The following ACER3 variants were observed in gnomAD, a reference collection of about 807,000 sequenced individuals.
ACER3 encodes the protein alkCDase 3.
In ACER3, 16 loss-of-function variants were observed where a neutral mutation model predicts 48.9. The observed-to-expected ratio is 0.33, with a 90% CI of 0.22 to 0.50. The LOEUF is 0.50. Among genes scored for constraint, ACER3 ranks in the 20% least tolerant of loss-of-function variants. The probability of loss-of-function intolerance (pLI) is 0.98; values close to 1 mark genes in which losing one functional copy is unlikely to be tolerated. For synonymous variants in ACER3, 109 were observed against 107.8 expected (o/e 1.01, Z -0.07); for missense variants, 227 against 326.0 (o/e 0.70, Z 2.34).
At chr11:76,869,429 C>T (rs1249210239) in intron 1 of ACER3, among the ~76,000 whole-genome samples, 1 of 152,158 alleles carries the variant, frequency 6.6e-6, no homozygotes, top group African/African-American at 2.4e-5. Flanking sequence ...GGTTTTATAG[C>T]GTTAGTGCTG....
chr11:77,017,210 T>G (rs1949388040), intron 9 of ACER3, among the ~76,000 whole-genome samples: 1 of 151,936 alleles, frequency 6.6e-6, no homozygotes, highest in Admixed American at 6.6e-5. Flanking sequence ...GTTGGGGTAC[T>G]GAAAGATCAC....
At position 76,865,996 on chromosome 11, in the gene ACER3, T is replaced by C. The variant is rs188871561; in HGVS notation, c.103+4917T>C. Among the ~76,000 whole-genome samples the C allele has an allele frequency of 7.5e-3, 1,134 of 150,828 alleles. 8 individuals are homozygous for C. Among genetic ancestry groups the C allele is most frequent in the African/African-American group, 0.026 (1,069 of 41,148 alleles). ...CTGGCTAATTTTTGTTTTTTGTTTT[T>C]TTTTTTTTTGGTAGAGATGGGGTTT... On this transcript the variant is annotated intron_variant, in intron 1 of 10. Coordinates refer to ENST00000532485, the MANE Select transcript of ACER3 (RefSeq NM_018367.7).
chr11:77,005,613 C>A (rs781994005), intron 7 of ACER3, among the ~76,000 whole-genome samples: 3 of 152,018 alleles, frequency 2.0e-5, no homozygotes, highest in East Asian at 3.9e-4. Context: ...CTCTTCCTAG[C>A]TTCTAGTAGT....
intron 3 of ACER3, among the ~76,000 whole-genome samples, chr11:76,960,201 G>C (rs1947951455): frequency 6.6e-6 from 1 of 152,034 alleles, no homozygotes. Context: ...ACGAGGTCAG[G>C]AGATTGAGAC....
intron 3 of ACER3, among the ~76,000 whole-genome samples, chr11:76,971,410 C>T (rs986451775): frequency 2.8e-4 from 42 of 151,868 alleles, no homozygotes; most frequent in Admixed American, 1.9e-3. Context: ...TGTGGTGGCA[C>T]GCGCCCACAG....
rs567185203 is a variant in ACER3 at position 76,969,175 on chromosome 11, C to CA, written c.268-7107dup. Among the ~76,000 whole-genome samples, 381 of 151,924 alleles carry CA rather than the reference C, an allele frequency of 2.5e-3. 2 individuals are homozygous for CA. The highest frequency in any genetic ancestry group is 8.4e-3 in the African/African-American group (347 of 41,440). On this transcript the variant is annotated intron_variant, in intron 3 of 10. Coordinates refer to ENST00000532485, the MANE Select transcript of ACER3 (RefSeq NM_018367.7). ...TCTCAAAAGAAGACATTTATGCAGCCAAAAAAACACATGAAAAAATGCTCA... is the reference window on the plus strand; with the variant it reads ...TCTCAAAAGAAGACATTTATGCAGCCAAAAAAAACACATGAAAAAATGCTCA...
intron 1 of ACER3, chr11:76,868,218 A>G (rs1945144769): frequency 7.8e-7 from 1 of 1,289,676 alleles, no homozygotes; most frequent in Non-Finnish European, 1.0e-6. Flanking sequence ...CAGAGGTGAC[A>G]TCCCTGTCAT....
chr11:77,008,167 G>A (rs1555021417), intron 7 of ACER3, among the ~76,000 whole-genome samples: 1 of 152,080 alleles, frequency 6.6e-6, no homozygotes, highest in African/African-American at 2.4e-5. Flanking sequence ...ACACCTTTCA[G>A]GGTCTTCTTA....
At chr11:76,989,459 G>A (rs553332418) in intron 5 of ACER3, among the ~76,000 whole-genome samples, 1 of 152,254 alleles carries the variant, frequency 6.6e-6, no homozygotes, top group South Asian at 2.1e-4. Flanking sequence ...ATGGTAGAAA[G>A]GAGTGTGACT....
chr11:76,871,487 G>A (rs1258982553), intron 1 of ACER3, among the ~76,000 whole-genome samples: 4 of 152,194 alleles, frequency 2.6e-5, no homozygotes, highest in Non-Finnish European at 4.4e-5. Flanking sequence ...CAGCTTACAG[G>A]TCATAGGTGG....
intron 2 of ACER3, chr11:76,955,331 A>G (rs1467273712): frequency 6.6e-6 from 1 of 152,254 alleles, no homozygotes; most frequent in Non-Finnish European, 1.5e-5. Flanking sequence ...GAAATACAAT[A>G]TGTTCATAAT....
At chr11:76,887,385 A>G (rs1945698570) in intron 1 of ACER3, among the ~76,000 whole-genome samples, 1 of 152,244 alleles carries the variant, frequency 6.6e-6, no homozygotes. Flanking sequence ...GTGATGAGAA[A>G]GCAAAGGAGA....
Position 77,023,502 on chromosome 11 carries a change from A to G in ACER3, c.*3175A>G, listed in dbSNP as rs535932890. 4 of 268,572 alleles carry G rather than the reference A, an allele frequency of 1.5e-5. No homozygotes were observed. Among genetic ancestry groups the G allele is most frequent in the African/African-American group, 2.2e-5 (1 of 46,398 alleles). The allele number at this position is 268,572 out of a possible 1,614,324, so 16.6% of individuals were successfully genotyped here. A position where few individuals can be genotyped will look rare whatever the true frequency, so the allele number is the denominator to read the frequency against. On this transcript the variant is annotated 3_prime_UTR_variant, in exon 11 of 11. Coordinates refer to ENST00000532485, the MANE Select transcript of ACER3 (RefSeq NM_018367.7). ...TCTTATGAGTCCTATGAAAACAATT[A>G]TTTGTTGCTAAATTTGAGTTTTAGC...
chr11:76,920,873 A>G (rs1157555143), intron 1 of ACER3, among the ~76,000 whole-genome samples: 1 of 152,152 alleles, frequency 6.6e-6, no homozygotes, highest in African/African-American at 2.4e-5. Flanking sequence ...TCCTGGGCTC[A>G]AGCAATCCTC....
At position 77,021,201 on chromosome 11, in the gene ACER3, T is replaced by C. The variant is rs1949465985; in HGVS notation, c.*874T>C. The C allele has an allele frequency of 6.6e-6, 1 of 152,226 alleles. No homozygotes were observed. The highest frequency in any genetic ancestry group is 2.4e-5 in the African/African-American group (1 of 41,462). The allele number at this position is 152,226 out of a possible 1,614,324, so 9.4% of individuals were successfully genotyped here. A position where few individuals can be genotyped will look rare whatever the true frequency, so the allele number is the denominator to read the frequency against. On this transcript the variant is annotated 3_prime_UTR_variant, in exon 11 of 11. Transcript: ENST00000532485. ...ACTTATTTGAAGTTGTCAGGGAATG[T>C]CATTACACTCTGATTTTTAAAATTA... is the stretch of plus-strand genomic sequence containing the variant.
intron 7 of ACER3, among the ~76,000 whole-genome samples, chr11:76,999,731 C>A (rs1948989392): frequency 6.6e-6 from 1 of 152,084 alleles, no homozygotes; most frequent in South Asian, 2.1e-4. Context: ...AGATATATAA[C>A]CTTTGAGACT....
rs2135345400 is a variant in ACER3 at position 77,021,480 on chromosome 11, A to G, written c.*1153A>G. On this transcript the variant is annotated 3_prime_UTR_variant, in exon 11 of 11. Coordinates refer to ENST00000532485, the MANE Select transcript of ACER3 (RefSeq NM_018367.7). ...GTTCTAATTTGCATTTGAATGTATA[A>G]CAAATTGCATCACTTTTCACAAACT... is the stretch of plus-strand genomic sequence containing the variant. The G allele has an allele frequency of 6.6e-6, 1 of 152,338 alleles. No homozygotes were observed. Among genetic ancestry groups the G allele is most frequent in the African/African-American group, 2.4e-5 (1 of 41,576 alleles). The allele number at this position is 152,338 out of a possible 1,614,324, so 9.4% of individuals were successfully genotyped here.
chr11:77,005,542 A>G (rs897029435), intron 7 of ACER3, among the ~76,000 whole-genome samples: 1 of 152,190 alleles, frequency 6.6e-6, no homozygotes, highest in Non-Finnish European at 1.5e-5. Context: ...TAGAAGTCCC[A>G]GATGAAAATG....
intron 1 of ACER3, among the ~76,000 whole-genome samples, chr11:76,871,425 A>G (rs1945237612): frequency 6.6e-6 from 1 of 152,210 alleles, no homozygotes; most frequent in Admixed American, 6.5e-5. Context: ...TAAGGTATAC[A>G]TTGGTTCAGT....
Sources: allele counts gnomAD v4.1 joint callset (sites outside exome capture counted in the v4.1 genomes callset), GRCh38; gene constraint gnomAD v4.1.1; transcripts MANE v1.5; gene names NCBI Gene and HGNC (gene_info 2026-07-23, HGNC 2026-07-21).